Variants in COL19A1 observed in about 807,000 individuals in gnomAD.
COL19A1 encodes the protein collagen type XIX alpha 1 chain.
A neutral mutation model predicts 190.2 loss-of-function variants in COL19A1; 159 were observed. The ratio of observed to expected loss-of-function variants is 0.84; its 90% CI spans 0.73 to 0.95. The LOEUF (loss-of-function observed/expected upper bound fraction) is 0.95, where lower values mean the gene tolerates loss of function less well. COL19A1 is among the 40% of genes least tolerant of loss of function. COL19A1 has a pLI of 0.00. For synonymous variants in COL19A1, 509 were observed against 458.9 expected, an observed-to-expected ratio of 1.11 and a Z score of -1.39; for missense variants, 1,418 against 1,431.9, an observed-to-expected ratio of 0.99 and a Z score of 0.16.
intron 2 of COL19A1, among the ~76,000 whole-genome samples, chr6:69,885,608 C>A (rs1230473265): frequency 2.0e-5 from 3 of 152,174 alleles, no homozygotes; most frequent in Non-Finnish European, 2.9e-5. Context: ...ATTTTGTACC[C>A]TTTGAAGTGC....
intron 2 of COL19A1, among the ~76,000 whole-genome samples, chr6:69,880,462 A>G (rs2149944941): frequency 6.6e-6 from 1 of 152,316 alleles, no homozygotes; most frequent in South Asian, 2.1e-4. Flanking sequence ...ACATATGATT[A>G]TGTACTCTGA....
At chr6:69,907,940 G>C (rs1268865575) in intron 4 of COL19A1, among the ~76,000 whole-genome samples, 1 of 152,150 alleles carries the variant, frequency 6.6e-6, no homozygotes, top group Admixed American at 6.5e-5. Flanking sequence ...AAGATACACA[G>C]TGCAAGGAAA....
At chr6:69,938,780 A>T (rs1380430907) in intron 9 of COL19A1, among the ~76,000 whole-genome samples, 1 of 151,996 alleles carries the variant, frequency 6.6e-6, no homozygotes, top group African/African-American at 2.4e-5. Context: ...CCATGCTTAG[A>T]GATTTGTCTT....
At chr6:70,018,700 A>C (rs1398318226) in intron 11 of COL19A1, among the ~76,000 whole-genome samples, 1 of 152,096 alleles carries the variant, frequency 6.6e-6, no homozygotes, top group African/African-American at 2.4e-5. Context: ...TAAGTCAGGA[A>C]ACAAGGGAAA....
chr6:70,163,462 T>C (rs1239907681), intron 36 of COL19A1, 66 bp downstream of exon 36: 3 of 1,431,186 alleles, frequency 2.1e-6, no homozygotes, highest in Non-Finnish European at 2.9e-6. Flanking sequence ...ATGAGACTCT[T>C]CACAGAGAGA....
chr6:70,029,845 T>G (rs1778942130), intron 12 of COL19A1, among the ~76,000 whole-genome samples: 1 of 152,186 alleles, frequency 6.6e-6, no homozygotes, highest in African/African-American at 2.4e-5. Context: ...GAAAGAACTA[T>G]CAGTTATCCC....
chr6:70,094,514 G>T (rs571877757), intron 15 of COL19A1, among the ~76,000 whole-genome samples: 1 of 152,266 alleles, frequency 6.6e-6, no homozygotes, highest in South Asian at 2.1e-4. Context: ...TTTGGGGTCT[G>T]TGTGCCATCC....
At chr6:69,989,479 C>A (rs921340200) in intron 11 of COL19A1, among the ~76,000 whole-genome samples, 2 of 152,044 alleles carry the variant, frequency 1.3e-5, no homozygotes, top group African/African-American at 4.8e-5. Context: ...TCAAGCTTGT[C>A]CCAACCACGG....
At chr6:70,029,937 A>G (rs1778952219) in intron 12 of COL19A1, among the ~76,000 whole-genome samples, 1 of 152,186 alleles carries the variant, frequency 6.6e-6, no homozygotes, top group South Asian at 2.1e-4. Context: ...TATGATTCTC[A>G]GAACAACCCT....
intron 11 of COL19A1, among the ~76,000 whole-genome samples, chr6:69,989,166 C>T (rs2150072464): frequency 6.6e-6 from 1 of 152,196 alleles, no homozygotes; most frequent in East Asian, 1.9e-4. Flanking sequence ...TTTTTACCCA[C>T]TAATTTTTTC....
At position 70,022,912 on chromosome 6, in the gene COL19A1, A is replaced by C. The variant is rs186097190; in HGVS notation, c.1027-715A>C. Among the ~76,000 whole-genome samples, 719 of 152,130 alleles carry C rather than the reference A, an allele frequency of 4.7e-3. 8 individuals carry two copies. Among genetic ancestry groups the C allele is most frequent in the African/African-American group, 0.016 (681 of 41,474 alleles). On this transcript the variant is annotated intron_variant, in intron 11 of 50. Transcript: ENST00000620364. ...CATTACACTCTACATTTAGTGCCTA[A>C]AATTTTTCATCTCTGATTTTTTCAT... is the stretch of plus-strand genomic sequence containing the variant.
At chr6:69,992,654 T>C (rs959193981) in intron 11 of COL19A1, among the ~76,000 whole-genome samples, 2 of 152,114 alleles carry the variant, frequency 1.3e-5, no homozygotes, top group South Asian at 2.1e-4. Flanking sequence ...TAATTCTCAT[T>C]GTAGAGATCT....
chr6:69,876,685 A>G (rs1163186219), intron 1 of COL19A1, among the ~76,000 whole-genome samples: 1 of 152,186 alleles, frequency 6.6e-6, no homozygotes, highest in Non-Finnish European at 1.5e-5. Context: ...CCAAACTACT[A>G]ATTTGTCAAC....
chr6:70,033,770 T>A (rs1006545103), intron 12 of COL19A1, among the ~76,000 whole-genome samples: 1 of 152,202 alleles, frequency 6.6e-6, no homozygotes, highest in Non-Finnish European at 1.5e-5. Flanking sequence ...AGTTGTATGA[T>A]AGCAAAAGAA....
intron 10 of COL19A1, among the ~76,000 whole-genome samples, chr6:69,961,720 T>C (rs904691990): frequency 2.0e-5 from 3 of 152,124 alleles, no homozygotes; most frequent in African/African-American, 7.2e-5. Flanking sequence ...CACACACACA[T>C]ATATTATTTA....
chr6:70,148,475 A>G (rs1432444807), intron 27 of COL19A1, among the ~76,000 whole-genome samples: 1 of 152,220 alleles, frequency 6.6e-6, no homozygotes, highest in East Asian at 1.9e-4. Flanking sequence ...TTATTTTATC[A>G]CAATATCACA....
At chr6:70,192,263 G>C (rs1766920576) in intron 48 of COL19A1, among the ~76,000 whole-genome samples, 1 of 152,084 alleles carries the variant, frequency 6.6e-6, no homozygotes, top group African/African-American at 2.4e-5. Flanking sequence ...GTTTCACCAT[G>C]TTGGCAAAAA....
intron 17 of COL19A1, among the ~76,000 whole-genome samples, chr6:70,129,304 TAGTC>T (rs1398337846): frequency 1.3e-5 from 2 of 152,166 alleles, no homozygotes; most frequent in African/African-American, 2.4e-5. Flanking sequence ...AATAGGTAGG[TAGTC>T]AGAGAGAGAA....
chr6:70,054,644 A>G (rs1780391340), intron 14 of COL19A1, among the ~76,000 whole-genome samples: 1 of 152,214 alleles, frequency 6.6e-6, no homozygotes, highest in Non-Finnish European at 1.5e-5. Context: ...AAATTCATTT[A>G]CAGGATTAAA....
Sources: gnomAD v4.1 joint callset for allele counts (sites outside exome capture counted in the v4.1 genomes callset) on GRCh38, gnomAD v4.1.1 for gene constraint, MANE v1.5 for transcripts, NCBI Gene and HGNC (gene_info 2026-07-23, HGNC 2026-07-21) for gene names.